GPC5: variants seen among roughly 807,000 people sequenced by gnomAD.
GPC5 encodes glypican 5.
A neutral mutation model predicts 53.9 loss-of-function variants in GPC5; 47 were observed. The ratio of observed to expected loss-of-function variants is 0.87; its 90% confidence interval spans 0.69 to 1.11. The LOEUF is 1.11. Among genes scored for constraint, GPC5 ranks in the 50% most tolerant of loss-of-function variants. The pLI is 0.00. For synonymous variants in GPC5, 286 were observed against 263.3 expected, an observed-to-expected ratio of 1.09 and a Z score of -0.84; for missense variants, 748 against 713.1, an observed-to-expected ratio of 1.05 and a Z score of -0.56.
intron 7 of GPC5, among the ~76,000 whole-genome samples, chr13:92,755,311 C>G (rs1012573292): frequency 3.5e-5 from 5 of 141,346 alleles, no homozygotes; most frequent in Non-Finnish European, 3.1e-5. Context: ...ACCAGAATCT[C>G]TGGGACGCAT....
At chr13:92,510,239 G>A (rs537975836) in intron 7 of GPC5, 1 of 151,818 alleles carries the variant, frequency 6.6e-6, no homozygotes, top group Non-Finnish European at 1.5e-5. Flanking sequence ...GCATCTTTAT[G>A]TTTATTCTTA....
chr13:91,665,983 A>G (rs1463326935), intron 2 of GPC5, among the ~76,000 whole-genome samples: 1 of 152,246 alleles, frequency 6.6e-6, no homozygotes, highest in Non-Finnish European at 1.5e-5. Flanking sequence ...TAATCTCTTT[A>G]CCATCTCAGA....
intron 5 of GPC5, among the ~76,000 whole-genome samples, chr13:91,762,994 T>C (rs1363123144): frequency 6.6e-6 from 1 of 152,196 alleles, no homozygotes; most frequent in East Asian, 1.9e-4. Context: ...TTGCAGTTTC[T>C]TTTGGAATAG....
intron 1 of GPC5, among the ~76,000 whole-genome samples, chr13:91,441,261 G>A (rs1880401399): frequency 6.6e-6 from 1 of 152,146 alleles, no homozygotes; most frequent in Admixed American, 6.5e-5. Flanking sequence ...TTTTGGACAT[G>A]TAAGGTTTAT....
At chr13:91,407,858 GA>G (rs1377454763) in intron 1 of GPC5, among the ~76,000 whole-genome samples, 1 of 152,072 alleles carries the variant, frequency 6.6e-6, no homozygotes, top group Non-Finnish European at 1.5e-5. Context: ...ATCTGTCTCT[GA>G]AATATTTCCA....
At chr13:92,511,010 A>C (rs1470371686) in intron 7 of GPC5, among the ~76,000 whole-genome samples, 1 of 152,180 alleles carries the variant, frequency 6.6e-6, no homozygotes, top group African/African-American at 2.4e-5. Flanking sequence ...ATTCACTATT[A>C]TGATTTTAAT....
chr13:91,494,220 G>C (rs1884109530), intron 2 of GPC5, among the ~76,000 whole-genome samples: 1 of 151,680 alleles, frequency 6.6e-6, no homozygotes, highest in Non-Finnish European at 1.5e-5. Flanking sequence ...TGAATGACCT[G>C]TTTGTGCCTC....
intron 7 of GPC5, among the ~76,000 whole-genome samples, chr13:92,827,302 A>G (rs1877884408): frequency 6.6e-6 from 1 of 152,164 alleles, no homozygotes; most frequent in South Asian, 2.1e-4. Context: ...TTTTTTTAAA[A>G]GTATATCCTT....
At chr13:92,822,209 A>G (rs9589630) in intron 7 of GPC5, among the ~76,000 whole-genome samples, 20,178 of 152,152 alleles carry the variant, frequency 0.13, 1,736 homozygotes, top group African/African-American at 0.25. Flanking sequence ...CATTAATATT[A>G]TCTGTCAAAT....
intron 7 of GPC5, among the ~76,000 whole-genome samples, chr13:92,731,176 T>C (rs1247247742): frequency 1.3e-5 from 2 of 151,328 alleles, no homozygotes; most frequent in East Asian, 3.9e-4. Flanking sequence ...AAAAACAAAA[T>C]AATTAGAGCA....
chr13:91,488,404 A>G (rs549303137), intron 2 of GPC5, among the ~76,000 whole-genome samples: 1 of 152,320 alleles, frequency 6.6e-6, no homozygotes, highest in African/African-American at 2.4e-5. Context: ...AGTTTCAGTT[A>G]GGTCCTATGT....
chr13:91,399,291 T>A, intron 1 of GPC5, 82 bp downstream of exon 1: 1 of 1,492,014 alleles, frequency 6.7e-7, no homozygotes. Flanking sequence ...GTGGCACTCG[T>A]GGGAAGATGA....
intron 2 of GPC5, among the ~76,000 whole-genome samples, chr13:91,572,238 C>CGTGTGTATATATGT (rs2031946057): frequency 2.1e-5 from 2 of 97,268 alleles, no homozygotes; most frequent in Middle Eastern, 6.3e-3. Flanking sequence ...TATGTATATA[C>CGTGTGTATATATGT]ATGTGTATAT....
intron 3 of GPC5, among the ~76,000 whole-genome samples, chr13:91,722,953 G>T (rs1344524846): frequency 6.6e-6 from 1 of 152,120 alleles, no homozygotes; most frequent in South Asian, 2.1e-4. Context: ...GTGCTTTATG[G>T]AGTCTTAATA....
At chr13:91,824,199 A>T (rs956026931) in intron 5 of GPC5, among the ~76,000 whole-genome samples, 2 of 152,094 alleles carry the variant, frequency 1.3e-5, no homozygotes, top group African/African-American at 4.8e-5. Flanking sequence ...GTTTTTGAGC[A>T]TCATAAAACT....
At chr13:92,475,542 A>G (rs1158627493) in intron 7 of GPC5, among the ~76,000 whole-genome samples, 1 of 151,486 alleles carries the variant, frequency 6.6e-6, no homozygotes, top group African/African-American at 2.4e-5. Flanking sequence ...TGATTTTTGT[A>G]CATTGATTTT....
chr13:91,626,510 C>T (rs550699620), intron 2 of GPC5, among the ~76,000 whole-genome samples: 50 of 152,204 alleles, frequency 3.3e-4, no homozygotes, highest in African/African-American at 1.1e-3. Context: ...TCTCTATGCA[C>T]GCAGGAAGAT....
At chr13:91,866,437 G>A (rs1566312028) in intron 5 of GPC5, among the ~76,000 whole-genome samples, 2 of 152,112 alleles carry the variant, frequency 1.3e-5, no homozygotes, top group South Asian at 2.1e-4. Context: ...CCCCATGAAT[G>A]GTTTTGTGCT....
chr13:92,682,249 G>A (rs370164524), intron 7 of GPC5, among the ~76,000 whole-genome samples: 16 of 152,082 alleles, frequency 1.1e-4, no homozygotes, highest in African/African-American at 3.9e-4. Context: ...AATTTATTCT[G>A]TAATAGCAAT....
Sources: gnomAD v4.1 joint callset for allele counts (sites outside exome capture counted in the v4.1 genomes callset) on GRCh38, gnomAD v4.1.1 for gene constraint, MANE v1.5 for transcripts, NCBI Gene and HGNC (gene_info 2026-07-23, HGNC 2026-07-21) for gene names.